OPCML: variants seen among roughly 807,000 people sequenced by gnomAD.
The protein encoded by OPCML is opioid binding protein/cell adhesion molecule like, also known as opioid-binding protein/cell adhesion molecule.
In OPCML, 13 loss-of-function variants were observed where a neutral mutation model predicts 37.8. That is an observed-to-expected ratio of 0.34 (90% CI 0.22 to 0.55). OPCML has a LOEUF of 0.55. OPCML is among the 20% of genes least tolerant of loss of function. OPCML has a pLI of 0.91. For synonymous variants in OPCML, 176 were observed against 168.8 expected (o/e 1.04, Z -0.33); for missense variants, 341 against 435.6 (o/e 0.78, Z 1.93).
At chr11:133,483,360 T>C (rs1003541287) in intron 1 of OPCML, among the ~76,000 whole-genome samples, 183 of 151,902 alleles carry the variant, frequency 1.2e-3, no homozygotes, top group African/African-American at 4.1e-3. Context: ...GATAGATAGA[T>C]AGCTAATAGA....
At chr11:133,082,830 G>A (rs1253908930) in intron 1 of OPCML, among the ~76,000 whole-genome samples, 1 of 149,092 alleles carries the variant, frequency 6.7e-6, no homozygotes. Context: ...CCAACCCGGA[G>A]AGGTCGCCAG....
At chr11:133,104,785 T>C (rs1046297886) in intron 1 of OPCML, among the ~76,000 whole-genome samples, 1 of 152,220 alleles carries the variant, frequency 6.6e-6, no homozygotes, top group Non-Finnish European at 1.5e-5. Context: ...CTTCAGATTG[T>C]TGATTTATTT....
At chr11:132,809,273 A>C (rs1478459628) in intron 2 of OPCML, among the ~76,000 whole-genome samples, 1 of 152,182 alleles carries the variant, frequency 6.6e-6, no homozygotes, top group Non-Finnish European at 1.5e-5. Flanking sequence ...AACAGCAGGG[A>C]AATAGCGAAA....
At chr11:133,349,632 C>G (rs1480424597) in intron 1 of OPCML, among the ~76,000 whole-genome samples, 1 of 152,112 alleles carries the variant, frequency 6.6e-6, no homozygotes, top group Non-Finnish European at 1.5e-5. Context: ...TTTAAGACAC[C>G]TGAGCAACCA....
At chr11:132,495,152 G>T (rs1471156606) in intron 4 of OPCML, among the ~76,000 whole-genome samples, 1 of 150,900 alleles carries the variant, frequency 6.6e-6, no homozygotes, top group East Asian at 2.0e-4. Flanking sequence ...TTCTTCCATT[G>T]TAATCCCTTC....
At chr11:133,018,188 G>GA (rs1947374116) in intron 1 of OPCML, among the ~76,000 whole-genome samples, 1 of 152,042 alleles carries the variant, frequency 6.6e-6, no homozygotes, top group Non-Finnish European at 1.5e-5. Context: ...CTTTCCTTTT[G>GA]AAAAACCCAT....
chr11:133,218,739 T>G (rs889725508), intron 1 of OPCML, among the ~76,000 whole-genome samples: 1 of 152,150 alleles, frequency 6.6e-6, no homozygotes, highest in African/African-American at 2.4e-5. Context: ...CATTTTACTC[T>G]GGAGCTGCTA....
At position 133,047,163 on chromosome 11, in the gene OPCML, C is replaced by T. The variant is rs553362619; in HGVS notation, c.62-104153G>A. On this transcript the variant is annotated intron_variant, in intron 1 of 7. Transcript: ENST00000524381. ...ATCTGAACATGGCTTCACGTGGCCC[C>T]GTGTGGAAATATGTGTCACCTTCTC... is the stretch of plus-strand genomic sequence containing the variant. Among the ~76,000 whole-genome samples, 117 of 152,278 alleles carry T rather than the reference C, an allele frequency of 7.7e-4. No homozygotes were observed. The Middle Eastern group carries it at 0.024, about 31-fold the overall frequency.
intron 2 of OPCML, among the ~76,000 whole-genome samples, chr11:132,934,858 G>A (rs1268160929): frequency 3.3e-5 from 5 of 152,068 alleles, no homozygotes; most frequent in Admixed American, 6.5e-5. Context: ...ATACAAAAGC[G>A]GCTGGGTGCA....
At chr11:133,445,907 A>AG (rs943111481) in intron 1 of OPCML, among the ~76,000 whole-genome samples, 4 of 151,910 alleles carry the variant, frequency 2.6e-5, no homozygotes, top group African/African-American at 7.3e-5. Flanking sequence ...CTGAGAAGGA[A>AG]GGGGGGGCTG....
At chr11:132,976,144 C>T (rs772334684) in intron 1 of OPCML, among the ~76,000 whole-genome samples, 99 of 152,140 alleles carry the variant, frequency 6.5e-4, no homozygotes, top group Non-Finnish European at 1.3e-3. Context: ...TAGAGTGGAT[C>T]GTTGGAGGTG....
chr11:132,742,995 G>A (rs898541160), intron 2 of OPCML, among the ~76,000 whole-genome samples: 1 of 151,896 alleles, frequency 6.6e-6, no homozygotes, highest in African/African-American at 2.4e-5. Flanking sequence ...TGTGTTCTTT[G>A]CCCACTTTTC....
chr11:133,378,655 T>G (rs537959765), intron 1 of OPCML, among the ~76,000 whole-genome samples: 2 of 151,476 alleles, frequency 1.3e-5, no homozygotes, highest in Admixed American at 1.3e-4. Flanking sequence ...GCGAATTTCT[T>G]TCTTTTCTTT....
At chr11:132,544,991 A>T (rs1487928128) in intron 3 of OPCML, among the ~76,000 whole-genome samples, 1 of 152,190 alleles carries the variant, frequency 6.6e-6, no homozygotes, top group African/African-American at 2.4e-5. Flanking sequence ...TACTCATCAT[A>T]CATTCCAGAG....
intron 4 of OPCML, among the ~76,000 whole-genome samples, chr11:132,507,312 A>G (rs1181611586): frequency 6.6e-6 from 1 of 152,056 alleles, no homozygotes; most frequent in Non-Finnish European, 1.5e-5. Context: ...ATGGCTATGC[A>G]CAATCTGAAT....
chr11:133,371,511 G>T (rs1448559091), intron 1 of OPCML, among the ~76,000 whole-genome samples: 1 of 152,152 alleles, frequency 6.6e-6, no homozygotes, highest in Non-Finnish European at 1.5e-5. Context: ...GATCATGGGG[G>T]CAGTTTCCCT....
chr11:133,422,797 A>T (rs1306071868), intron 1 of OPCML: 1 of 899,586 alleles, frequency 1.1e-6, no homozygotes, highest in Admixed American at 6.2e-5. Flanking sequence ...ATTACAAAAT[A>T]AAAGAAACTC....
intron 1 of OPCML, among the ~76,000 whole-genome samples, chr11:133,084,753 C>G (rs573624434): frequency 2.0e-5 from 3 of 152,162 alleles, no homozygotes; most frequent in African/African-American, 2.4e-5. Context: ...CCTGTTATAT[C>G]TGTGGTTTTT....
chr11:132,866,492 G>A (rs1942561415), intron 2 of OPCML, among the ~76,000 whole-genome samples: 1 of 152,140 alleles, frequency 6.6e-6, no homozygotes, highest in Non-Finnish European at 1.5e-5. Flanking sequence ...TTAGTTTTTT[G>A]TCGATTTTTG....
Sources: allele counts gnomAD v4.1 joint callset (sites outside exome capture counted in the v4.1 genomes callset), GRCh38; gene constraint gnomAD v4.1.1; transcripts MANE v1.5; gene names NCBI Gene and HGNC (gene_info 2026-07-23, HGNC 2026-07-21).